Variants in ZFHX3 observed in about 807,000 individuals in gnomAD.
ZFHX3 encodes zinc finger homeobox 3.
In ZFHX3, 42 loss-of-function variants were observed where a neutral mutation model predicts 279.1. The observed-to-expected ratio is 0.15, with a 90% confidence interval of 0.12 to 0.19. The LOEUF is 0.19. ZFHX3 is among the 10% of genes least tolerant of loss of function. ZFHX3 has a pLI of 1.00. For synonymous variants in ZFHX3, 2,293 were observed against 1,957.8 expected, an observed-to-expected ratio of 1.17 and a Z score of -4.52; for missense variants, 4,981 against 4,754.0, an observed-to-expected ratio of 1.05 and a Z score of -1.40.
intron 1 of ZFHX3, among the ~76,000 whole-genome samples, chr16:72,962,262 C>T (rs554954051): frequency 6.6e-6 from 1 of 152,346 alleles, no homozygotes; most frequent in East Asian, 1.9e-4. Context: ...AACCTGCAAG[C>T]GTTTACCAAT....
intron 1 of ZFHX3, among the ~76,000 whole-genome samples, chr16:73,727,466 C>T (rs2053528789): frequency 6.6e-6 from 1 of 152,158 alleles, no homozygotes; most frequent in Admixed American, 6.5e-5. Context: ...TGAATCTCAC[C>T]TACAGACTGT....
chr16:72,871,111 G>A lies in ZFHX3; in HGVS notation c.3448+18620C>T, dbSNP rs1221980808. Among the ~76,000 whole-genome samples, 3 of 152,164 alleles carry A rather than the reference G, an allele frequency of 2.0e-5. No individual in the cohort carries two copies. In the East Asian group the frequency reaches 5.8e-4, roughly 29 times the overall value. The stretch of plus-strand genomic sequence containing the variant: ...GCTAATATTTGGGGAATGCAGGTGA[G>A]AGAATTTTCTTACTATGTAAAGTAC... On this transcript the variant is annotated intron_variant, in intron 4 of 9. Transcript: ENST00000268489.
At chr16:73,141,528 G>A (rs1966847800) in intron 6 of ZFHX3, among the ~76,000 whole-genome samples, 1 of 151,884 alleles carries the variant, frequency 6.6e-6, no homozygotes, top group Non-Finnish European at 1.5e-5. Context: ...CTCCCGAGTA[G>A]CAGGGACTAC....
intron 1 of ZFHX3, among the ~76,000 whole-genome samples, chr16:73,751,527 ATG>A (rs151328978): frequency 1.4e-5 from 2 of 145,646 alleles, no homozygotes; most frequent in Non-Finnish European, 3.1e-5. Context: ...ATATGTGTTT[ATG>A]TGTGTGTGTG....
chr16:73,400,314 C>T (rs2017224166), intron 3 of ZFHX3: 1 of 152,172 alleles, frequency 6.6e-6, no homozygotes, highest in African/African-American at 2.4e-5. Flanking sequence ...TGTTTGTGCA[C>T]ATGTATGTGT....
At chr16:73,721,415 C>G (rs372159135) in intron 1 of ZFHX3, among the ~76,000 whole-genome samples, 5 of 152,296 alleles carry the variant, frequency 3.3e-5, no homozygotes, top group African/African-American at 4.8e-5. Context: ...AGCCACCCAG[C>G]CTTCTTCCTC....
At chr16:73,263,268 C>T (rs2013875235) in intron 4 of ZFHX3, among the ~76,000 whole-genome samples, 1 of 152,024 alleles carries the variant, frequency 6.6e-6, no homozygotes, top group Non-Finnish European at 1.5e-5. Context: ...ACAGCCTCAA[C>T]CTCTTAGGTT....
At chr16:73,202,138 C>T (rs1460884036) in intron 5 of ZFHX3, among the ~76,000 whole-genome samples, 1 of 152,104 alleles carries the variant, frequency 6.6e-6, no homozygotes, top group African/African-American at 2.4e-5. Flanking sequence ...GTCTGTGTAG[C>T]CAACCACCCA....
chr16:73,398,196 A>G (rs980672916), intron 3 of ZFHX3, among the ~76,000 whole-genome samples: 5 of 152,310 alleles, frequency 3.3e-5, no homozygotes, highest in African/African-American at 1.2e-4. Flanking sequence ...AGAGGTTGAC[A>G]TGGAGAGTCG....
At chr16:73,139,512 T>A (rs1156252925) in intron 6 of ZFHX3, among the ~76,000 whole-genome samples, 1 of 152,196 alleles carries the variant, frequency 6.6e-6, no homozygotes, top group Non-Finnish European at 1.5e-5. Context: ...AGCTTAAAGC[T>A]AGGTCTATAT....
intron 4 of ZFHX3, among the ~76,000 whole-genome samples, chr16:72,846,225 G>A (rs1382815263): frequency 6.6e-6 from 1 of 152,190 alleles, no homozygotes; most frequent in African/African-American, 2.4e-5. Context: ...AGGAATCCAG[G>A]GAGTTCCTTA....
upstream of ZFHX3, among the ~76,000 whole-genome samples, chr16:73,048,652 T>C (rs1188121390): frequency 6.6e-6 from 1 of 152,220 alleles, no homozygotes; most frequent in Admixed American, 6.5e-5. Context: ...CATCGCTCCC[T>C]GGGCCCCGTC....
chr16:73,403,403 C>T (rs572620724), intron 3 of ZFHX3, among the ~76,000 whole-genome samples: 7 of 152,254 alleles, frequency 4.6e-5, no homozygotes, highest in East Asian at 3.9e-4. Context: ...AACATTAGCC[C>T]GCTTTGCGGT....
intron 2 of ZFHX3, among the ~76,000 whole-genome samples, chr16:73,553,777 G>A (rs1317336760): frequency 2.0e-5 from 3 of 151,790 alleles, no homozygotes; most frequent in Non-Finnish European, 4.4e-5. Flanking sequence ...CAAGTGTAGG[G>A]TGGGGAAGAA....
rs112058944 is a variant in ZFHX3, at chr16:73,673,813, T to C, written c.-1547+6367A>G. Among the ~76,000 whole-genome samples, 245 of 152,210 alleles carry C rather than the reference T, an allele frequency of 1.6e-3. 1 individual carries two copies. Among genetic ancestry groups the C allele is most frequent in the African/African-American group, 5.6e-3 (234 of 41,536 alleles). ...TCCACCTGAATGGAGATTTAGACTA[T>C]AGGGGCAGTGAAGCTCCATGAAAAC... On this transcript the variant is annotated intron_variant, in intron 2 of 17. Transcript: ENST00000641206.
intron 3 of ZFHX3, among the ~76,000 whole-genome samples, chr16:73,360,383 G>A (rs576677686): frequency 2.0e-5 from 3 of 152,320 alleles, no homozygotes; most frequent in African/African-American, 7.2e-5. Flanking sequence ...CTGTTGCCCA[G>A]GCTGGAGTGC....
chr16:73,254,032 G>A (rs1597245679), intron 5 of ZFHX3, among the ~76,000 whole-genome samples: 1 of 152,154 alleles, frequency 6.6e-6, no homozygotes, highest in Non-Finnish European at 1.5e-5. Context: ...TTGCACATTT[G>A]GATCCATCCA....
intron 1 of ZFHX3, among the ~76,000 whole-genome samples, chr16:73,009,531 A>G (rs954334448): frequency 2.6e-5 from 4 of 152,304 alleles, no homozygotes; most frequent in East Asian, 1.9e-4. Context: ...TGAATATGGG[A>G]AAAAAATAGA....
intron 1 of ZFHX3, among the ~76,000 whole-genome samples, chr16:73,833,767 AACAAAT>A (rs1567424878): frequency 6.6e-6 from 1 of 151,378 alleles, no homozygotes; most frequent in Non-Finnish European, 1.5e-5. Flanking sequence ...AAAAAATTAA[AACAAAT>A]ACAAAGATAA....
Sources: allele counts gnomAD v4.1 joint callset (sites outside exome capture counted in the v4.1 genomes callset), GRCh38; gene constraint gnomAD v4.1.1; transcripts MANE v1.5; gene names NCBI Gene and HGNC (gene_info 2026-07-23, HGNC 2026-07-21).